The following LRCH2 variants were observed in gnomAD, a reference collection of about 807,000 sequenced individuals.
LRCH2 encodes the protein leucine rich repeats and calponin homology domain containing 2.
Under a neutral mutation model 68.9 loss-of-function variants are expected in LRCH2, and 38 were observed. The observed-to-expected ratio is 0.55, with a 90% CI of 0.43 to 0.72. LRCH2 has a LOEUF of 0.72. Among genes scored for constraint, LRCH2 ranks in the 30% least tolerant of loss-of-function variants. The pLI is 0.00. For missense variants in LRCH2, 528 were observed against 572.9 expected (o/e 0.92, Z 0.80); for synonymous variants, 191 against 208.1 (o/e 0.92, Z 0.71).
intron 1 of LRCH2, among the ~76,000 whole-genome samples, chrX:115,196,900 G>A (rs1462734185): frequency 9.0e-6 from 1 of 110,956 alleles, no homozygotes; most frequent in Non-Finnish European, 1.9e-5. Context: ...AGCATATGCT[G>A]TCCCAGGTCA....
intron 15 of LRCH2, 71 bp from the exon 16 acceptor site, chrX:115,126,964 A>G (rs1374613799): frequency 1.4e-6 from 1 of 722,226 alleles, no homozygotes; most frequent in Non-Finnish European, 1.9e-6. Flanking sequence ...TATAAAAGGA[A>G]AATAAAAATT....
intron 20 of LRCH2, among the ~76,000 whole-genome samples, chrX:115,121,753 G>C (rs1556526122): frequency 8.9e-6 from 1 of 112,157 alleles, no homozygotes. Flanking sequence ...CAACAATTCA[G>C]ATTCTCTACA....
Position 115,233,867 on chromosome X carries a change from G to A in LRCH2, c.175C>T (p.Pro59Ser). The A allele has an allele frequency of 8.6e-7, 1 of 1,166,544 alleles. No homozygotes were observed. Among genetic ancestry groups the A allele is most frequent in the Non-Finnish European group, 1.1e-6 (1 of 872,641 alleles). The change falls in exon 1 of 21, where the codon CCG (proline) becomes TCG (serine). Residue 59 changes from proline to serine, a missense_variant. Coordinates refer to ENST00000317135, the MANE Select transcript of LRCH2 (RefSeq NM_020871.4). ...PIPVPTLFGQ[P>S]FPNGPPWNPG... is the part of the protein sequence containing the mutation. ...TTCCACGGCGGCCCGTTGGGGAACG[G>A]CTGACCGAAAAGAGTCGGTACCGGG...
intron 3 of LRCH2, among the ~76,000 whole-genome samples, chrX:115,181,523 T>G (rs1372343947): frequency 8.9e-6 from 1 of 112,318 alleles, no homozygotes; most frequent in Non-Finnish European, 1.9e-5. Context: ...ATGAACCCAC[T>G]CCAGTGGGTG....
chrX:115,182,144 A>C, intron 3 of LRCH2, among the ~76,000 whole-genome samples: 1 of 111,526 alleles, frequency 9.0e-6, no homozygotes, highest in Non-Finnish European at 1.9e-5. Flanking sequence ...CCTGGAACCA[A>C]TCCCCCATAG....
At chrX:115,190,233 T>C (rs1556556956) in intron 1 of LRCH2, 3 of 1,164,203 alleles carry the variant, frequency 2.6e-6, no homozygotes, top group Non-Finnish European at 3.4e-6. Flanking sequence ...GCCGCTATTA[T>C]GGCCACTCCA....
chrX:115,224,664 A>G (rs1286492741), intron 1 of LRCH2, among the ~76,000 whole-genome samples: 3 of 105,504 alleles, frequency 2.8e-5, no homozygotes, highest in African/African-American at 1.1e-4. Flanking sequence ...AGCCTTGGCA[A>G]TACAGCGAGA....
chrX:115,165,215 A>C (rs1344587507), intron 10 of LRCH2, among the ~76,000 whole-genome samples, 190 bp downstream of exon 10: 1 of 111,000 alleles, frequency 9.0e-6, no homozygotes, highest in Non-Finnish European at 1.9e-5. Flanking sequence ...TCCTACACTC[A>C]AACGCTTACT....
chrX:115,153,839 A>G (rs1286656431), intron 12 of LRCH2, among the ~76,000 whole-genome samples: 1 of 110,894 alleles, frequency 9.0e-6, no homozygotes, highest in African/African-American at 3.3e-5. Flanking sequence ...AAAAGACAAC[A>G]GAGAAGGAGG....
At chrX:115,210,664 T>C (rs2073000753) in intron 1 of LRCH2, among the ~76,000 whole-genome samples, 1 of 110,220 alleles carries the variant, frequency 9.1e-6, no homozygotes, top group African/African-American at 3.3e-5. Flanking sequence ...GACCCCACAA[T>C]GGTAGATCCA....
intron 20 of LRCH2, among the ~76,000 whole-genome samples, chrX:115,118,475 T>C (rs1194636653): frequency 1.8e-5 from 2 of 108,242 alleles, no homozygotes; most frequent in African/African-American, 3.4e-5. Context: ...CAGGAAGAAG[T>C]TGAATCTCTG....
intron 15 of LRCH2, among the ~76,000 whole-genome samples, chrX:115,129,430 A>G (rs183115897): frequency 9.0e-6 from 1 of 111,650 alleles, no homozygotes; most frequent in Non-Finnish European, 1.9e-5. Context: ...CAGTGAAAAT[A>G]TGACCAGCTA....
intron 2 of LRCH2, among the ~76,000 whole-genome samples, chrX:115,185,346 C>G (rs62601524): frequency 9.0e-6 from 1 of 111,283 alleles, no homozygotes; most frequent in Admixed American, 9.6e-5. Flanking sequence ...CAAAGTCACA[C>G]AGCTGTTAAA....
chrX:115,121,634 C>T (rs1203248976), intron 20 of LRCH2, among the ~76,000 whole-genome samples: 4 of 112,373 alleles, frequency 3.6e-5, no homozygotes, highest in Non-Finnish European at 5.6e-5. Context: ...GCCTGGGCGA[C>T]AGCGTGAGAC....
chrX:115,120,106 A>G (rs1280392523), intron 20 of LRCH2, among the ~76,000 whole-genome samples: 7 of 102,436 alleles, frequency 6.8e-5, no homozygotes, highest in African/African-American at 2.2e-4. Flanking sequence ...GGACATAGGC[A>G]TGGGCAAGGA....
At position 115,196,128 on chromosome X, in the gene LRCH2, G is replaced by C. The variant is rs1047639094; in HGVS notation, c.350-7758C>G. On this transcript the variant is annotated intron_variant, in intron 1 of 20. Transcript: ENST00000317135. ...GCATGGGCTCCAGCCTCTGGCACTG[G>C]AACCAGGCTCCCAATGCTCCAATCC... 9.0e-5 allele frequency among the ~76,000 whole-genome samples: 10 copies of C among 111,371 alleles called. No individual in the cohort carries two copies. In the East Asian group the frequency reaches 2.6e-3, roughly 29 times the overall value.
Position 115,165,648 on chromosome X carries a change from C to T in LRCH2, c.1206G>A (p.Glu402=). 8.7e-7 allele frequency: 1 copy of T among 1,145,503 alleles called. No homozygotes were observed. The highest frequency in any genetic ancestry group is 1.2e-6 in the Non-Finnish European group (1 of 853,555). The allele number at this position is 1,145,503 out of a possible 1,213,427, so 94.4% of individuals were successfully genotyped here. A position where few individuals can be genotyped will look rare whatever the true frequency, so the allele number is the denominator to read the frequency against. Residue 402 remains glutamate, a synonymous_variant, in exon 9 of 21, where the codon GAG becomes GAA. Coordinates refer to ENST00000317135, the MANE Select transcript of LRCH2 (RefSeq NM_020871.4). The part of the protein sequence containing the change: ...GSKTDSQKDQ[E]VYDFVDPNTE... ...TGTTGGGGTCAACAAAATCATATAC[C>T]TCCTGGTCTAGGTACAGATTAATAT...
rs1020623331 is a variant in LRCH2 at position 115,167,088 on chromosome X, A to G, written c.999-746T>C. ...TAAGCAATTTATCCAAGGATACGCA[A>G]CTTGCAGCCAGCAGTCCAAATTTGA... On this transcript the variant is annotated intron_variant, in intron 6 of 20. Coordinates refer to ENST00000317135, the MANE Select transcript of LRCH2 (RefSeq NM_020871.4). Among the ~76,000 whole-genome samples the G allele has an allele frequency of 2.9e-5, 3 of 103,554 alleles. No individual in the cohort carries two copies. In the Admixed American group the frequency reaches 3.3e-4, roughly 11 times the overall value. 89.9% of individuals were successfully genotyped at this position (103,554 alleles called of 115,157 possible). A position where few individuals can be genotyped will look rare whatever the true frequency, so the allele number is the denominator to read the frequency against.
At chrX:115,143,092 T>C (rs1242419069) in intron 14 of LRCH2, among the ~76,000 whole-genome samples, 2 of 110,320 alleles carry the variant, frequency 1.8e-5, no homozygotes, top group Non-Finnish European at 3.8e-5. Context: ...GAGACTCTGG[T>C]TTAAACAAAC....
Sources: allele counts gnomAD v4.1 joint callset (sites outside exome capture counted in the v4.1 genomes callset), GRCh38; gene constraint gnomAD v4.1.1; transcripts MANE v1.5; gene names NCBI Gene and HGNC (gene_info 2026-07-23, HGNC 2026-07-21).